Variants in NIPBL observed in about 807,000 individuals in gnomAD.
NIPBL encodes the protein nipped-B-like protein.
A neutral mutation model predicts 321.8 loss-of-function variants in NIPBL; 19 were observed. The observed-to-expected ratio is 0.06, with a 90% CI of 0.04 to 0.09. The LOEUF (loss-of-function observed/expected upper bound fraction) is 0.09, where lower values mean the gene tolerates loss of function less well. Among genes scored for constraint, NIPBL ranks in the 10% least tolerant of loss-of-function variants. The pLI, the probability that NIPBL is intolerant of heterozygous loss-of-function variation, is 1.00. For missense variants in NIPBL, 2,210 were observed against 3,327.0 expected (o/e 0.66, Z 8.26); for synonymous variants, 1,106 against 1,114.1 (o/e 0.99, Z 0.14).
At chr5:37,023,251 GGTAAAATCAACA>G (rs1246386274) in intron 29 of NIPBL, among the ~76,000 whole-genome samples, 1 of 151,978 alleles carries the variant, frequency 6.6e-6, no homozygotes, top group Non-Finnish European at 1.5e-5. Flanking sequence ...TCTTTTGAAG[GGTAAAATCAACA>G]GGATTCCCAC....
chr5:36,962,244 A>G lies in NIPBL; in HGVS notation c.580A>G (p.Ser194Gly), dbSNP rs1375535670. ...AGYMPYSHPS[S>G]YTTHPQMQQA... The stretch of plus-strand genomic sequence containing the variant: ...ATACATGCCATATTCCCATCCTTCA[A>G]GTTACACAACACATCCACAGATGCA... Residue 194 changes from serine to glycine, a missense_variant, in exon 6 of 47, where the codon AGT becomes GGT. Around this residue, in one of 14 missense-constraint regions of NIPBL, gnomAD observed 464 missense variants for 529.5 expected, o/e 0.88. Coordinates refer to ENST00000282516, the MANE Select transcript of NIPBL (RefSeq NM_133433.4). The G allele has an allele frequency of 2.5e-6, 4 of 1,614,114 alleles. No homozygotes were observed. The highest frequency in any genetic ancestry group is 2.2e-5 in the South Asian group (2 of 91,090).
intron 8 of NIPBL, among the ~76,000 whole-genome samples, chr5:36,972,756 T>G (rs1474580100): frequency 1.3e-5 from 2 of 152,188 alleles, no homozygotes; most frequent in Non-Finnish European, 2.9e-5. Context: ...TTAAAAATTT[T>G]AAGTTATCAT....
chr5:37,019,828 A>G (rs1273988764), intron 25 of NIPBL, among the ~76,000 whole-genome samples: 5 of 152,244 alleles, frequency 3.3e-5, no homozygotes, highest in African/African-American at 4.8e-5. Context: ...AAATATTAGT[A>G]TAAGAGGTTC....
intron 27 of NIPBL, 27 bp downstream of exon 27, chr5:37,020,904 A>C (rs1749550980): frequency 6.9e-7 from 1 of 1,452,280 alleles, no homozygotes; most frequent in Admixed American, 1.7e-5. Context: ...TTCCTTATAC[A>C]GTGATATTGA....
At chr5:37,049,389 C>A (rs942946076) in intron 40 of NIPBL, 88 bp downstream of exon 40, 106 of 1,344,944 alleles carry the variant, frequency 7.9e-5, no homozygotes, top group South Asian at 3.2e-4. Flanking sequence ...ATAAGTAGTT[C>A]TTCGTTCCTC....
chr5:36,951,105 T>A (rs1027310523), intron 1 of NIPBL, among the ~76,000 whole-genome samples: 14 of 152,164 alleles, frequency 9.2e-5, no homozygotes, highest in African/African-American at 3.4e-4. Flanking sequence ...TCTCCCGCCC[T>A]TTCCCCTTTA....
intron 1 of NIPBL, among the ~76,000 whole-genome samples, chr5:36,926,524 A>AT (rs1749374624): frequency 6.6e-6 from 1 of 152,180 alleles, no homozygotes; most frequent in Non-Finnish European, 1.5e-5. Flanking sequence ...GTCATGTGAT[A>AT]TTTAACATAG....
intron 34 of NIPBL, among the ~76,000 whole-genome samples, chr5:37,041,944 C>T (rs1417357430): frequency 6.6e-6 from 1 of 151,996 alleles, no homozygotes; most frequent in South Asian, 2.1e-4. Context: ...ATTCTTCTAT[C>T]CCTAGACCCA....
intron 34 of NIPBL, among the ~76,000 whole-genome samples, chr5:37,039,797 A>G (rs932711503): frequency 6.6e-6 from 1 of 152,100 alleles, no homozygotes; most frequent in African/African-American, 2.4e-5. Flanking sequence ...AACTTTAAGA[A>G]CTGAGGAGAG....
chr5:37,060,789 C>G, intron 44 of NIPBL, 55 bp from the exon 45 acceptor site: 1 of 1,482,694 alleles, frequency 6.7e-7, no homozygotes, highest in Non-Finnish European at 9.3e-7. Context: ...TTGGATTTCT[C>G]CAAATACGTT....
intron 19 of NIPBL, 36 bp from the exon 20 acceptor site, chr5:37,008,587 A>T (rs1161499452): frequency 9.4e-7 from 1 of 1,066,546 alleles, no homozygotes; most frequent in Non-Finnish European, 1.5e-6. Flanking sequence ...GTTTTCTATT[A>T]TAAGTTTAAC....
chr5:37,005,265 T>G (rs955885991), intron 16 of NIPBL, among the ~76,000 whole-genome samples: 3 of 152,126 alleles, frequency 2.0e-5, no homozygotes, highest in African/African-American at 7.2e-5. Flanking sequence ...TTAAGTGCCC[T>G]CTCTTTACTT....
At chr5:36,913,458 A>G (rs1003673305) in intron 1 of NIPBL, among the ~76,000 whole-genome samples, 2 of 149,526 alleles carry the variant, frequency 1.3e-5, no homozygotes, top group Admixed American at 1.3e-4. Context: ...TGGCATGATT[A>G]CAGCTACTGC....
At chr5:36,918,841 A>G (rs1161070400) in intron 1 of NIPBL, among the ~76,000 whole-genome samples, 1 of 152,036 alleles carries the variant, frequency 6.6e-6, no homozygotes, top group Non-Finnish European at 1.5e-5. Context: ...TGATTTTTGT[A>G]TGTTGAACCA....
At chr5:36,924,765 G>T (rs888008977) in intron 1 of NIPBL, among the ~76,000 whole-genome samples, 4 of 152,130 alleles carry the variant, frequency 2.6e-5, no homozygotes, top group Admixed American at 6.6e-5. Flanking sequence ...ACAAGAAATA[G>T]ATTTTTCCTC....
intron 1 of NIPBL, among the ~76,000 whole-genome samples, chr5:36,884,978 CAGTATAATTGG>C (rs1745780665): frequency 6.6e-6 from 1 of 151,932 alleles, no homozygotes; most frequent in Non-Finnish European, 1.5e-5. Flanking sequence ...ATTCCTTAGG[CAGTATAATTGG>C]AGTAAGATAC....
intron 1 of NIPBL, among the ~76,000 whole-genome samples, chr5:36,902,216 C>T (rs1747288339): frequency 6.6e-6 from 1 of 151,864 alleles, no homozygotes; most frequent in Non-Finnish European, 1.5e-5. Flanking sequence ...GTTGTCTGTT[C>T]ACTCTGTTGA....
chr5:36,989,775 A>T (rs1365262616), intron 10 of NIPBL, among the ~76,000 whole-genome samples: 1 of 145,152 alleles, frequency 6.9e-6, no homozygotes, highest in African/African-American at 2.5e-5. Flanking sequence ...GGAGGAGGAG[A>T]TTACAGTGAG....
chr5:37,006,740 C>A, intron 17 of NIPBL, 152 bp downstream of exon 17: 1 of 590,218 alleles, frequency 1.7e-6, no homozygotes. Flanking sequence ...AGTACTTGTT[C>A]AATTATAATT....
Sources: allele counts gnomAD v4.1 joint callset (sites outside exome capture counted in the v4.1 genomes callset), GRCh38; gene constraint gnomAD v4.1.1; regional missense constraint gnomAD v4.1.1; transcripts MANE v1.5; gene names NCBI Gene and HGNC (gene_info 2026-07-23, HGNC 2026-07-21).